The following HTR1E variants were observed in gnomAD, a reference collection of about 807,000 sequenced individuals.
HTR1E encodes 5-HT-1E.
In HTR1E, 3 loss-of-function variants were observed where a neutral mutation model predicts 3.4. That is an observed-to-expected ratio of 0.89 (90% CI 0.41 to 2.31). The LOEUF is 2.31. Among genes scored for constraint, HTR1E ranks in the 30% most tolerant of loss-of-function variants. HTR1E has a pLI of 0.05. For missense variants in HTR1E, 392 were observed against 467.0 expected (o/e 0.84, Z 1.48); for synonymous variants, 170 against 182.8 (o/e 0.93, Z 0.56).
At chr6:86,963,176 T>C (rs1210078775) in intron 1 of HTR1E, among the ~76,000 whole-genome samples, 2 of 152,222 alleles carry the variant, frequency 1.3e-5, no homozygotes, top group East Asian at 1.9e-4. Context: ...CTAATGTGTA[T>C]ATTTTTGTCT....
At chr6:86,987,514 T>TAC (rs1341890332) in intron 1 of HTR1E, among the ~76,000 whole-genome samples, 4 of 152,084 alleles carry the variant, frequency 2.6e-5, no homozygotes, top group Non-Finnish European at 5.9e-5. Context: ...TATATATATA[T>TAC]ATATGTTCAA....
At chr6:87,007,271 T>TA (rs1768126361) in intron 1 of HTR1E, among the ~76,000 whole-genome samples, 1 of 151,994 alleles carries the variant, frequency 6.6e-6, no homozygotes, top group Non-Finnish European at 1.5e-5. Context: ...AGCTAAAATT[T>TA]AAAACAATGA....
At chr6:86,939,084 C>T (rs560655946) in intron 1 of HTR1E, among the ~76,000 whole-genome samples, 1 of 152,200 alleles carries the variant, frequency 6.6e-6, no homozygotes, top group African/African-American at 2.4e-5. Flanking sequence ...GACAGCTTTT[C>T]TCTTTCTGGT....
intron 1 of HTR1E, among the ~76,000 whole-genome samples, chr6:86,997,434 G>A (rs1337688349): frequency 6.6e-6 from 1 of 151,696 alleles, no homozygotes; most frequent in Non-Finnish European, 1.5e-5. Context: ...AATCATTTAT[G>A]AAGAAAATTT....
intron 1 of HTR1E, among the ~76,000 whole-genome samples, chr6:86,972,820 T>G (rs2127823408): frequency 6.6e-6 from 1 of 152,260 alleles, no homozygotes; most frequent in African/African-American, 2.4e-5. Flanking sequence ...ATATAGATGA[T>G]TTTTACTTCT....
chr6:86,943,757 T>C (rs866672463), intron 1 of HTR1E, among the ~76,000 whole-genome samples: 1 of 152,216 alleles, frequency 6.6e-6, no homozygotes, highest in Non-Finnish European at 1.5e-5. Context: ...ATAACAGTAC[T>C]ATGTCATAGG....
chr6:87,011,683 A>G (rs2127833676), intron 1 of HTR1E, among the ~76,000 whole-genome samples: 1 of 152,324 alleles, frequency 6.6e-6, no homozygotes. Flanking sequence ...CCTTTCCTTC[A>G]GTCAAGCATG....
chr6:86,997,800 G>A (rs568685019), intron 1 of HTR1E, among the ~76,000 whole-genome samples: 36 of 151,678 alleles, frequency 2.4e-4, no homozygotes, highest in Non-Finnish European at 3.8e-4. Flanking sequence ...ACAAGCAGAG[G>A]ATGTCAGACT....
chr6:86,939,088 T>C (rs1768510624), intron 1 of HTR1E, among the ~76,000 whole-genome samples: 1 of 152,210 alleles, frequency 6.6e-6, no homozygotes, highest in South Asian at 2.1e-4. Context: ...GCTTTTCTCT[T>C]TCTGGTACAG....
intron 1 of HTR1E, among the ~76,000 whole-genome samples, chr6:86,973,709 C>G (rs1055390554): frequency 6.6e-6 from 1 of 152,138 alleles, no homozygotes; most frequent in Admixed American, 6.5e-5. Context: ...AGAGACCGCA[C>G]AGGTGCAGCC....
intron 1 of HTR1E, among the ~76,000 whole-genome samples, chr6:86,973,298 CTG>C (rs3043129): frequency 0.013 from 2,011 of 149,570 alleles, 20 homozygotes; most frequent in Middle Eastern, 0.052. Flanking sequence ...AAGGCAGTGG[CTG>C]TGTGTGTGTG....
intron 1 of HTR1E, among the ~76,000 whole-genome samples, chr6:86,993,608 A>C (rs1767898737): frequency 6.6e-6 from 1 of 151,964 alleles, no homozygotes; most frequent in African/African-American, 2.4e-5. Flanking sequence ...CCCCTGCCAG[A>C]AAAGGCCAAA....
chr6:87,014,968 T>C (rs1224201999), intron 1 of HTR1E, among the ~76,000 whole-genome samples, 182 bp from the exon 2 acceptor site: 2 of 151,846 alleles, frequency 1.3e-5, no homozygotes, highest in African/African-American at 4.8e-5. Context: ...AAAAAAACAG[T>C]TTGAAAACTT....
At chr6:86,998,932 T>G (rs1011305331) in intron 1 of HTR1E, among the ~76,000 whole-genome samples, 5 of 152,142 alleles carry the variant, frequency 3.3e-5, no homozygotes, top group African/African-American at 1.2e-4. Flanking sequence ...AATATTGTTT[T>G]GGGGGGGTTG....
At chr6:86,978,177 C>G (rs1424267448) in intron 1 of HTR1E, among the ~76,000 whole-genome samples, 1 of 152,168 alleles carries the variant, frequency 6.6e-6, no homozygotes. Flanking sequence ...ACATTCATTT[C>G]ACTTTATTCC....
intron 1 of HTR1E, among the ~76,000 whole-genome samples, chr6:86,998,371 T>C (rs1488871581): frequency 6.6e-6 from 1 of 152,064 alleles, no homozygotes; most frequent in Non-Finnish European, 1.5e-5. Context: ...ATTAAAATCA[T>C]GCAGAATATA....
At chr6:86,956,290 C>T (rs914908105) in intron 1 of HTR1E, among the ~76,000 whole-genome samples, 1 of 152,076 alleles carries the variant, frequency 6.6e-6, no homozygotes, top group African/African-American at 2.4e-5. Context: ...AGTCTGGAAC[C>T]TTTAAAAGTC....
intron 1 of HTR1E, among the ~76,000 whole-genome samples, chr6:86,979,094 A>G (rs1401869733): frequency 1.3e-5 from 2 of 152,238 alleles, no homozygotes; most frequent in Non-Finnish European, 2.9e-5. Context: ...TTGCTATGTC[A>G]GTCTCTTTTT....
chr6:86,941,212 T>G (rs1020212032), intron 1 of HTR1E, among the ~76,000 whole-genome samples: 4 of 152,250 alleles, frequency 2.6e-5, no homozygotes, highest in Non-Finnish European at 5.9e-5. Context: ...CCAGCTACTT[T>G]TTATTCGTTC....
Sources: allele counts gnomAD v4.1 joint callset (sites outside exome capture counted in the v4.1 genomes callset), GRCh38; gene constraint gnomAD v4.1.1; transcripts MANE v1.5; gene names NCBI Gene and HGNC (gene_info 2026-07-23, HGNC 2026-07-21).